Variants in OR52R1 observed in about 807,000 individuals in gnomAD.
OR52R1 encodes the protein olfactory receptor 52R1.
For synonymous variants in OR52R1, 159 were observed against 150.1 expected, an observed-to-expected ratio of 1.06 and a Z score of -0.43; for missense variants, 432 against 395.1, an observed-to-expected ratio of 1.09 and a Z score of -0.79.
rs761410703 is a variant in OR52R1, at chr11:4,803,918, C to T, written c.463G>A (p.Gly155Arg). Residue 155 changes from glycine (G) to arginine (R), a missense_variant, in exon 1 of 1, where the codon GGG becomes AGG. Transcript: ENST00000624978. The part of the protein sequence containing the change: ...IKLGTIVMLR[G>R]LLWVSPFCFM... ...CAGAAGGGGCTCACCCACAGCAGCC[C>T]TCTCAGCATCACGATGGTCCCCAGT... 1.9e-6 allele frequency: 3 copies of T among 1,613,226 alleles called. No homozygotes were observed. Among genetic ancestry groups the T allele is most frequent in the Middle Eastern group, 1.6e-4 (1 of 6,062 alleles).
rs755868815 is a variant in OR52R1, at chr11:4,803,549, G to A, written c.832C>T (p.Leu278=). Residue 278 remains leucine (L), a synonymous_variant, in exon 1 of 1, where the codon CTG becomes TTG. Coordinates refer to ENST00000624978, the MANE Select transcript of OR52R1 (RefSeq NM_001005177.3). ...ATCAGTAGATAGAGATTAGCAAACA[G>A]GATGTGTACAACTCGGGGCACATCA... The part of the protein sequence containing the change: ...GHDVPRVVHI[L]FANLYLLIPP... The A allele has an allele frequency of 6.2e-7, 1 of 1,613,982 alleles. No individual in the cohort carries two copies. Among genetic ancestry groups the A allele is most frequent in the South Asian group, 1.1e-5 (1 of 91,058 alleles).
Position 4,803,753 on chromosome 11 carries a change from C to A in OR52R1, c.628G>T (p.Ala210Ser). The A allele has an allele frequency of 1.2e-6, 2 of 1,613,644 alleles. No homozygotes were observed. Among genetic ancestry groups the A allele is most frequent in the Non-Finnish European group, 8.5e-7 (1 of 1,179,976 alleles). The change falls in exon 1 of 1, where the codon GCT (alanine) becomes TCT (serine). Residue 210 changes from alanine (A) to serine (S), a missense_variant. By Grantham distance (99) the Ala-to-Ser change is moderately conservative. Transcript: ENST00000624978. The stretch of plus-strand genomic sequence containing the variant: ...CCAATGACAATCATATCAAAGCCAG[C>A]CACAGAGAAGGCCACAAAGAGCCCA... ...GNGLFVAFSV[A>S]GFDMIVIGMS...
chr11:4,803,563 C>G lies in OR52R1; in HGVS notation c.818G>C (p.Arg273Pro), dbSNP rs370070710. The G allele has an allele frequency of 6.2e-7, 1 of 1,613,878 alleles. No homozygotes were observed. The highest frequency in any genetic ancestry group is 8.5e-7 in the Non-Finnish European group (1 of 1,179,944). Residue 273 changes from arginine (R) to proline (P), a missense_variant, in exon 1 of 1, where the codon CGA becomes CCA. Physicochemically the swap from Arg to Pro is moderately radical, Grantham distance 103. Coordinates refer to ENST00000624978, the MANE Select transcript of OR52R1 (RefSeq NM_001005177.3). Reference sequence around the variant, plus strand: ...ATTAGCAAACAGGATGTGTACAACTCGGGGCACATCATGGCCAAAGCGGTA... The same window carrying G: ...ATTAGCAAACAGGATGTGTACAACTGGGGGCACATCATGGCCAAAGCGGTA... ...LTYRFGHDVPRVVHILFANLY... is the reference protein window; with the variant it reads ...LTYRFGHDVPPVVHILFANLY...
Position 4,804,044 on chromosome 11 carries a change from C to T in OR52R1, c.337G>A (p.Val113Met), listed in dbSNP as rs374884861. The T allele has an allele frequency of 1.2e-6, 2 of 1,613,858 alleles. No individual in the cohort carries two copies. Among genetic ancestry groups the T allele is most frequent in the Non-Finnish European group, 1.7e-6 (2 of 1,180,032 alleles). Residue 113 changes from valine to methionine, a missense_variant, in exon 1 of 1, where the codon GTG (valine) becomes ATG (methionine). Val to Met is a conservative substitution (Grantham distance 21). Transcript: ENST00000624978. ...QVFFIHAFSS[V>M]ESGVLMAMAL... ...ATAGCCATGAGCACCCCAGACTCCACAGAAGAAAAGGCATGGATGAAGAAC... is the reference window on the plus strand; with the variant it reads ...ATAGCCATGAGCACCCCAGACTCCATAGAAGAAAAGGCATGGATGAAGAAC...
rs1046983902 is a variant in OR52R1 at position 4,803,557 on chromosome 11, A to T, written c.824T>A (p.Val275Glu). Reference protein sequence around the residue: ...YRFGHDVPRVVHILFANLYLL... With the variant: ...YRFGHDVPRVEHILFANLYLL... ...ATAGAGATTAGCAAACAGGATGTGT[A>T]CAACTCGGGGCACATCATGGCCAAA... The change falls in exon 1 of 1, where the codon GTA (valine) becomes GAA (glutamate). Residue 275 changes from valine (V) to glutamate (E), a missense_variant. Physicochemically the swap from Val to Glu is moderately radical, Grantham distance 121 (BLOSUM62 -2). Coordinates refer to ENST00000624978, the MANE Select transcript of OR52R1 (RefSeq NM_001005177.3). 2 of 1,613,918 alleles carry T rather than the reference A, an allele frequency of 1.2e-6. No homozygotes were observed. The highest frequency in any genetic ancestry group is 1.7e-6 in the Non-Finnish European group (2 of 1,179,962).
At position 4,804,261 on chromosome 11, in the gene OR52R1, C is replaced by T; in HGVS notation, c.120G>A (p.Val40=). ...GGAGAGTGATATTTCCAACAACAGC[C>T]ACAGCATACGTGGCACAGAACGGAA... ...IAFPFCATYA[V]AVVGNITLLH... Residue 40 remains valine, a synonymous_variant, in exon 1 of 1, where the codon GTG becomes GTA. Coordinates refer to ENST00000624978, the MANE Select transcript of OR52R1 (RefSeq NM_001005177.3). 6.2e-7 allele frequency: 1 copy of T among 1,613,924 alleles called. No individual in the cohort carries two copies. Among genetic ancestry groups the T allele is most frequent in the Non-Finnish European group, 8.5e-7 (1 of 1,179,940 alleles).
In OR52R1 at chr11:4,803,852, T is replaced by A. The variant is rs1454564726; in HGVS notation, c.529A>T (p.Ile177Phe). ...SRMPFCQHQA[I>F]PQSYCEHMAV... ...ATGTGCTCACAGTATGACTGGGGAA[T>A]GGCTTGGTGTTGGCAGAAGGGCATC... is the stretch of plus-strand genomic sequence containing the variant. The change falls in exon 1 of 1, where the codon ATT becomes TTT. Residue 177 changes from isoleucine to phenylalanine, a missense_variant. Transcript: ENST00000624978. 3 of 1,612,104 alleles carry A rather than the reference T, an allele frequency of 1.9e-6. No individual in the cohort carries two copies. The highest frequency in any genetic ancestry group is 2.5e-6 in the Non-Finnish European group (3 of 1,179,680).
chr11:4,804,273 G>A lies in OR52R1; in HGVS notation c.108C>T (p.Ala36=), dbSNP rs373304913. The change falls in exon 1 of 1, where the codon GCC becomes GCT. Residue 36 remains alanine, a synonymous_variant. Transcript: ENST00000624978. Reference sequence around the variant, plus strand: ...TTCCAACAACAGCCACAGCATACGTGGCACAGAACGGAAAGGCAATCCACA... The same window carrying A: ...TTCCAACAACAGCCACAGCATACGTAGCACAGAACGGAAAGGCAATCCACA... ...FQLWIAFPFC[A]TYAVAVVGNI... is the part of the protein sequence containing the mutation. 5.5e-5 allele frequency: 88 copies of A among 1,613,890 alleles called. No homozygotes were observed. The highest frequency in any genetic ancestry group is 6.9e-5 in the Non-Finnish European group (82 of 1,179,976).
At position 4,803,652 on chromosome 11, in the gene OR52R1, T is replaced by C; in HGVS notation, c.729A>G (p.Thr243=). Reference sequence around the variant, plus strand: ...AGATGACACAGATATGGGAGGAACGTGTGCTAAAAGCTTTGAGGCGGGCTT... The same window carrying C: ...AGATGACACAGATATGGGAGGAACGCGTGCTAAAAGCTTTGAGGCGGGCTT... The part of the protein sequence containing the change: ...SGEARLKAFS[T]RSSHICVILA... The change falls in exon 1 of 1, where the codon ACA becomes ACG. Residue 243 remains threonine (T), a synonymous_variant. Coordinates refer to ENST00000624978, the MANE Select transcript of OR52R1 (RefSeq NM_001005177.3). 6.2e-7 allele frequency: 1 copy of C among 1,613,926 alleles called. No homozygotes were observed. The highest frequency in any genetic ancestry group is 8.5e-7 in the Non-Finnish European group (1 of 1,179,982).
At position 4,803,442 on chromosome 11, in the gene OR52R1, G is replaced by A. The variant is rs761151762; in HGVS notation, c.939C>T (p.Asn313=). ...TACACTGACCCTTTGCTCAGGGGAT[G>A]TTTCCACAACATCCTTGGATAACCC... ...GDRVIQGCCG[N]IP The change falls in exon 1 of 1, where the codon AAC becomes AAT. Residue 313 remains asparagine (N), a synonymous_variant. Coordinates refer to ENST00000624978, the MANE Select transcript of OR52R1 (RefSeq NM_001005177.3). 10 of 1,602,772 alleles carry A rather than the reference G, an allele frequency of 6.2e-6. No homozygotes were observed. In the African/African-American group the frequency reaches 9.4e-5, roughly 15 times the overall value.
rs760407807 is a variant in OR52R1, at chr11:4,803,621, G to C, written c.760C>G (p.Leu254Val). Residue 254 changes from leucine to valine, a missense_variant, in exon 1 of 1, where the codon CTT (leucine) becomes GTT (valine). Physicochemically the swap from Leu to Val is conservative, Grantham distance 32. Transcript: ENST00000624978. ...AAAGAAAAAAGGGCTGGGATATAAA[G>C]AGCCAAGATGACACAGATATGGGAG... ...RSSHICVILA[L>V]YIPALFSFLT... is the part of the protein sequence containing the mutation. The C allele has an allele frequency of 7.4e-6, 12 of 1,613,894 alleles. No homozygotes were observed. Among genetic ancestry groups the C allele is most frequent in the African/African-American group, 2.7e-5 (2 of 74,860 alleles).
In OR52R1 at chr11:4,803,885, CCATGAAG is replaced by C; in HGVS notation, c.489_495del (p.Cys163TrpfsTer24). 6.2e-7 allele frequency: 1 copy of C among 1,612,794 alleles called. No individual in the cohort carries two copies. The highest frequency in any genetic ancestry group is 8.5e-7 in the Non-Finnish European group (1 of 1,179,834). On this transcript the variant is annotated frameshift_variant, in exon 1 of 1. Transcript: ENST00000624978. LOFTEE classifies it low-confidence loss of function (END_TRUNC). ...TGTTGGCAGAAGGGCATCCTAGACA[CCATGAAG>C]CAGAAGGGGCTCACCCACAGCAGCC...
rs1030898597 is a variant in OR52R1, at chr11:4,804,360, G to A, written c.21C>T (p.Asn7=). ...TGAAGGACACAGGATGAGAAGAGCTGTTCCCTGAAGCCAGCACCATGGACT... is the reference window on the plus strand; with the variant it reads ...TGAAGGACACAGGATGAGAAGAGCTATTCCCTGAAGCCAGCACCATGGACT... MVLASG[N]SSSHPVSFIL... The change falls in exon 1 of 1, where the codon AAC becomes AAT. Residue 7 remains asparagine, a synonymous_variant. Coordinates refer to ENST00000624978, the MANE Select transcript of OR52R1 (RefSeq NM_001005177.3). 3.1e-6 allele frequency: 5 copies of A among 1,614,110 alleles called. No individual in the cohort carries two copies. Among genetic ancestry groups the A allele is most frequent in the Non-Finnish European group, 4.2e-6 (5 of 1,179,982 alleles).
Position 4,803,877 on chromosome 11 carries a change from C to G in OR52R1, c.504G>C (p.Arg168Ser), listed in dbSNP as rs1252639790. ...WVSPFCFMVS[R>S]MPFCQHQAIP... The stretch of plus-strand genomic sequence containing the variant: ...TGGCTTGGTGTTGGCAGAAGGGCAT[C>G]CTAGACACCATGAAGCAGAAGGGGC... The change falls in exon 1 of 1, where the codon AGG becomes AGC. Residue 168 changes from arginine (R) to serine (S), a missense_variant. By Grantham distance (110) the Arg-to-Ser change is moderately radical (BLOSUM62 -1). Coordinates refer to ENST00000624978, the MANE Select transcript of OR52R1 (RefSeq NM_001005177.3). 1.2e-6 allele frequency: 2 copies of G among 1,612,662 alleles called. No homozygotes were observed. Among genetic ancestry groups the G allele is most frequent in the Admixed American group, 3.3e-5 (2 of 59,760 alleles).
In OR52R1 at chr11:4,804,003, G is replaced by A. The variant is rs75407816; in HGVS notation, c.378C>T (p.Tyr126=). 8.9e-4 allele frequency: 1,429 copies of A among 1,613,888 alleles called. 18 individuals are homozygous for A. In the African/African-American group the frequency reaches 0.016, roughly 18 times the overall value. ...GTCGGAGTGGGAAGCAGATAGCCAC[G>A]TAGCAGTCCAGGGCCATAGCCATGA... is the stretch of plus-strand genomic sequence containing the variant. The part of the protein sequence containing the change: ...GVLMAMALDC[Y]VAICFPLRHS... Residue 126 remains tyrosine, a synonymous_variant, in exon 1 of 1, where the codon TAC becomes TAT. Transcript: ENST00000624978.
In OR52R1 at chr11:4,804,334, A is replaced by G. The variant is rs1346397111; in HGVS notation, c.47T>C (p.Ile16Thr). 1.9e-6 allele frequency: 3 copies of G among 1,614,170 alleles called. No individual in the cohort carries two copies. The highest frequency in any genetic ancestry group is 2.5e-6 in the Non-Finnish European group (3 of 1,180,032). ...CTCCAGGCCTGGGATTCCAAGCAGGATGAAGGACACAGGATGAGAAGAGCT... is the reference window on the plus strand; with the variant it reads ...CTCCAGGCCTGGGATTCCAAGCAGGGTGAAGGACACAGGATGAGAAGAGCT... ...GNSSSHPVSF[I>T]LLGIPGLESF... Residue 16 changes from isoleucine to threonine, a missense_variant, in exon 1 of 1, where the codon ATC (isoleucine) becomes ACC (threonine). Transcript: ENST00000624978.
Position 4,803,934 on chromosome 11 carries a change from G to T in OR52R1, c.447C>A (p.Thr149=). The change falls in exon 1 of 1, where the codon ACC becomes ACA. Residue 149 remains threonine, a synonymous_variant. Coordinates refer to ENST00000624978, the MANE Select transcript of OR52R1 (RefSeq NM_001005177.3). ...LTPSVVIKLG[T]IVMLRGLLWV... ...ACAGCAGCCCTCTCAGCATCACGAT[G>T]GTCCCCAGTTTGATCACGACCGATG... 1 of 1,613,380 alleles carries T rather than the reference G, an allele frequency of 6.2e-7. No individual in the cohort carries two copies. The highest frequency in any genetic ancestry group is 1.3e-5 in the African/African-American group (1 of 74,808).
chr11:4,803,480 G>C lies in OR52R1; in HGVS notation c.901C>G (p.Gln301Glu). The change falls in exon 1 of 1, where the codon CAG (glutamine) becomes GAG (glutamate). Residue 301 changes from glutamine to glutamate, a missense_variant. Transcript: ENST00000624978. ...NPIIYGVRTK[Q>E]IGDRVIQGCC... ...CCTTGGATAACCCTGTCCCCGATCT[G>C]TTTGGTTCTAACTCCATAAATGATG... is the stretch of plus-strand genomic sequence containing the variant. 1.2e-6 allele frequency: 2 copies of C among 1,613,896 alleles called. No homozygotes were observed. Among genetic ancestry groups the C allele is most frequent in the Non-Finnish European group, 1.7e-6 (2 of 1,179,836 alleles).
chr11:4,803,829 G>GT lies in OR52R1; in HGVS notation c.551dup (p.His184GlnfsTer11). ...CACACACCAACTTCAGCACAGCCAT[G>GT]TGCTCACAGTATGACTGGGGAATGG... On this transcript the variant is annotated frameshift_variant, in exon 1 of 1. Transcript: ENST00000624978. LOFTEE classifies it low-confidence loss of function (END_TRUNC). 1 of 1,613,048 alleles carries GT rather than the reference G, an allele frequency of 6.2e-7. No homozygotes were observed. The highest frequency in any genetic ancestry group is 8.5e-7 in the Non-Finnish European group (1 of 1,179,896).
Sources: allele counts gnomAD v4.1 joint callset, GRCh38; gene constraint gnomAD v4.1.1; transcripts MANE v1.5; gene names NCBI Gene and HGNC (gene_info 2026-07-23, HGNC 2026-07-21).